Variants in PTPRB observed in about 807,000 individuals in gnomAD.
PTPRB encodes protein tyrosine phosphatase receptor type B, also known as receptor-type tyrosine-protein phosphatase beta.
A neutral mutation model predicts 238.1 loss-of-function variants in PTPRB; 97 were observed. The ratio of observed to expected loss-of-function variants is 0.41; its 90% CI spans 0.35 to 0.48. The LOEUF (loss-of-function observed/expected upper bound fraction) is 0.48. Ranked by LOEUF, PTPRB falls within the 20% of genes least tolerant of loss-of-function variation. PTPRB has a pLI of 0.30. For synonymous variants in PTPRB, 970 were observed against 995.4 expected, an observed-to-expected ratio of 0.97 and a Z score of 0.48; for missense variants, 2,292 against 2,681.9, an observed-to-expected ratio of 0.85 and a Z score of 3.21.
intron 21 of PTPRB, among the ~76,000 whole-genome samples, chr12:70,546,754 G>A (rs1483500829): frequency 6.6e-6 from 1 of 152,168 alleles, no homozygotes; most frequent in East Asian, 1.9e-4. Context: ...AGTCACTGGG[G>A]GTTGGAAGAT....
In PTPRB at chr12:70,548,340, TCTCTCTCA is replaced by T. The variant is rs1194308376; in HGVS notation, c.5388-3685_5388-3678del. On this transcript the variant is annotated intron_variant, in intron 21 of 33. Coordinates refer to ENST00000334414, the MANE Select transcript of PTPRB (RefSeq NM_001109754.4). Reference sequence around the variant, plus strand: ...AAGACTCTCTCTCTCTCTCTCTCTCTCTCTCTCACACACACACACACACACACACACAC... The same window carrying T: ...AAGACTCTCTCTCTCTCTCTCTCTCTCACACACACACACACACACACACAC... 6.5e-3 allele frequency among the ~76,000 whole-genome samples: 376 copies of T among 58,110 alleles called. 1 individual carries two copies. The highest frequency in any genetic ancestry group is 7.5e-3 in the Non-Finnish European group (254 of 33,918). 38.1% of individuals were successfully genotyped at this position (58,110 alleles called of 152,430 possible). A position where few individuals can be genotyped will look rare whatever the true frequency, so the allele number is the denominator to read the frequency against.
chr12:70,549,937 A>G (rs1271957904), intron 21 of PTPRB, among the ~76,000 whole-genome samples: 1 of 152,270 alleles, frequency 6.6e-6, no homozygotes, highest in Non-Finnish European at 1.5e-5. Flanking sequence ...GTATTTGTTC[A>G]TAAACATTTC....
At chr12:70,619,986 A>C (rs1384435025) in intron 3 of PTPRB, among the ~76,000 whole-genome samples, 2 of 152,182 alleles carry the variant, frequency 1.3e-5, no homozygotes, top group East Asian at 3.9e-4. Context: ...TAAATCAAAT[A>C]ATAACCTCTC....
intron 13 of PTPRB, 121 bp from the exon 14 acceptor site, chr12:70,570,059 A>G (rs1330310212): frequency 2.1e-6 from 2 of 962,302 alleles, no homozygotes; most frequent in East Asian, 5.3e-5. Context: ...ATGAAAAAGA[A>G]AGTAACAATT....
At chr12:70,576,359 C>T in intron 11 of PTPRB, 23 bp downstream of exon 11, 6 of 1,608,108 alleles carry the variant, frequency 3.7e-6, no homozygotes, top group Non-Finnish European at 5.1e-6. Flanking sequence ...CTTACGGAGC[C>T]CTGAACCTTC....
At chr12:70,624,286 A>C (rs1048506978) in intron 2 of PTPRB, among the ~76,000 whole-genome samples, 2 of 152,148 alleles carry the variant, frequency 1.3e-5, no homozygotes, top group Non-Finnish European at 2.9e-5. Flanking sequence ...CTGATATTCA[A>C]ATGTAACCGA....
chr12:70,571,487 ACATGAT>A (rs1297973452), intron 12 of PTPRB, 198 bp from the exon 13 acceptor site: 1 of 619,938 alleles, frequency 1.6e-6, no homozygotes, highest in African/African-American at 1.8e-5. Context: ...CATAAATGTT[ACATGAT>A]CAGCATTGGT....
rs148956960 is a variant in PTPRB, at chr12:70,556,275, G to T, written c.4715-127C>A. On this transcript the variant is annotated intron_variant, in intron 18 of 33. Transcript: ENST00000334414. ...GACAGACAGGCAAATACAGAGTGTC[G>T]TGGCTCACCCTAGCAGAGACACATG... 4.5e-5 allele frequency: 39 copies of T among 859,592 alleles called. No homozygotes were observed. In the African/African-American group the frequency reaches 5.1e-4, roughly 11 times the overall value. 53.2% of individuals were successfully genotyped at this position (859,592 alleles called of 1,614,324 possible).
chr12:70,607,631 G>A (rs931896634), intron 4 of PTPRB, among the ~76,000 whole-genome samples: 1 of 149,466 alleles, frequency 6.7e-6, no homozygotes, highest in African/African-American at 2.5e-5. Flanking sequence ...TCTGCCTCCT[G>A]GGCTCAAGCA....
chr12:70,564,380 T>C (rs1197460007), intron 15 of PTPRB, among the ~76,000 whole-genome samples: 1 of 151,648 alleles, frequency 6.6e-6, no homozygotes, highest in East Asian at 2.0e-4. Context: ...GGTGTAGTGG[T>C]GCATACCTGT....
chr12:70,573,194 T>C (rs1313539994), intron 11 of PTPRB, among the ~76,000 whole-genome samples: 1 of 152,204 alleles, frequency 6.6e-6, no homozygotes, highest in African/African-American at 2.4e-5. Flanking sequence ...AAAAATACCT[T>C]TTTAAATAAT....
At position 70,532,020 on chromosome 12, in the gene PTPRB, G is replaced by A. The variant is rs758977327; in HGVS notation, c.6504+15C>T. On this transcript the variant is annotated intron_variant, in intron 32 of 33. Transcript: ENST00000334414. ...GGAGGAGGGTGGCCTGTAACTTTCA[G>A]TCTATAACTCTTACCTCAGTCTGGA... 1.2e-6 allele frequency: 2 copies of A among 1,613,852 alleles called. No homozygotes were observed. Among genetic ancestry groups the A allele is most frequent in the Non-Finnish European group, 1.7e-6 (2 of 1,179,844 alleles).
chr12:70,563,134 G>A, intron 15 of PTPRB, 27 bp from the exon 16 acceptor site: 1 of 1,592,694 alleles, frequency 6.3e-7, no homozygotes, highest in Non-Finnish European at 8.6e-7. Flanking sequence ...GCAAGAGAAT[G>A]AGGGAGGGAA....
rs1311502551 is a variant in PTPRB, at chr12:70,520,217, A to T, written c.*1272T>A. ...TTCCCAGGAATGCTGTCGGAACTGGACCTTGATGAAGGAAATACTTTCTGA... is the reference window on the plus strand; with the variant it reads ...TTCCCAGGAATGCTGTCGGAACTGGTCCTTGATGAAGGAAATACTTTCTGA... On this transcript the variant is annotated 3_prime_UTR_variant, in exon 34 of 34. Transcript: ENST00000334414. 2.1e-6 allele frequency: 1 copy of T among 479,406 alleles called. No homozygotes were observed. The highest frequency in any genetic ancestry group is 1.9e-5 in the African/African-American group (1 of 51,410). The allele number at this position is 479,406 out of a possible 1,614,324, so 29.7% of individuals were successfully genotyped here.
chr12:70,556,020 C>T lies in PTPRB; in HGVS notation c.4843G>A (p.Val1615Ile), dbSNP rs201518333. ...TTCTCCAGCTTTCTGGAAAACTCAACTTCTTGGGTGTCCATTTTCCGGCAT... is the reference window on the plus strand; with the variant it reads ...TTCTCCAGCTTTCTGGAAAACTCAATTTCTTGGGTGTCCATTTTCCGGCAT... ...IECRKMDTQEVEFSRKLEKEK... is the reference protein window; with the variant it reads ...IECRKMDTQEIEFSRKLEKEK... The change falls in exon 19 of 34, where the codon GTT (valine) becomes ATT (isoleucine). Residue 1615 changes from valine to isoleucine, a missense_variant. Around this residue, in one of 4 missense-constraint regions of PTPRB, gnomAD observed 683 missense variants for 862.0 expected, o/e 0.79. Coordinates refer to ENST00000334414, the MANE Select transcript of PTPRB (RefSeq NM_001109754.4). The T allele has an allele frequency of 2.5e-4, 404 of 1,613,846 alleles. 1 individual carries two copies. The highest frequency in any genetic ancestry group is 6.4e-4 in the South Asian group (58 of 91,082).
chr12:70,597,197 C>A (rs1474181394), intron 4 of PTPRB, among the ~76,000 whole-genome samples: 1 of 152,166 alleles, frequency 6.6e-6, no homozygotes, highest in Non-Finnish European at 1.5e-5. Flanking sequence ...GCTGGGATTA[C>A]AGGCATGAGC....
chr12:70,549,603 T>C (rs1411930784), intron 21 of PTPRB, among the ~76,000 whole-genome samples: 1 of 152,174 alleles, frequency 6.6e-6, no homozygotes, highest in Admixed American at 6.5e-5. Context: ...TGTCCACCTA[T>C]TCGCTTTGGA....
chr12:70,539,007 T>A lies in PTPRB; in HGVS notation c.5786A>T (p.Lys1929Ile). The change falls in exon 27 of 34, where the codon AAA becomes ATA. Residue 1929 changes from lysine to isoleucine, a missense_variant. Transcript: ENST00000334414. ...ACATGACTGGTTTCGGCCCACGTCT[T>A]TTAACTCCTGTTAGGTCAAATATGA... ...YLLSKEYEEL[K>I]DVGRNQSCDI... 1 of 1,613,368 alleles carries A rather than the reference T, an allele frequency of 6.2e-7. No individual in the cohort carries two copies. The highest frequency in any genetic ancestry group is 8.5e-7 in the Non-Finnish European group (1 of 1,179,474).
intron 3 of PTPRB, among the ~76,000 whole-genome samples, chr12:70,613,495 T>G (rs968319285): frequency 6.6e-6 from 1 of 152,070 alleles, no homozygotes; most frequent in Non-Finnish European, 1.5e-5. Context: ...CCAGGCTCTC[T>G]GTTTGGCAAT....
Sources: allele counts gnomAD v4.1 joint callset (sites outside exome capture counted in the v4.1 genomes callset), GRCh38; gene constraint gnomAD v4.1.1; regional missense constraint gnomAD v4.1.1; transcripts MANE v1.5; gene names NCBI Gene and HGNC (gene_info 2026-07-23, HGNC 2026-07-21).